The following ZNF704 variants were observed in gnomAD, a reference collection of about 807,000 sequenced individuals.
ZNF704 encodes the protein glucocorticoid induced gene 1.
In ZNF704, 10 loss-of-function variants were observed where a neutral mutation model predicts 44.7. The ratio of observed to expected loss-of-function variants is 0.22; its 90% CI spans 0.14 to 0.38. The LOEUF (loss-of-function observed/expected upper bound fraction) is 0.38. Among genes scored for constraint, ZNF704 ranks in the 10% least tolerant of loss-of-function variants. The probability of loss-of-function intolerance (pLI) is 1.00; values close to 1 mark genes in which losing one functional copy is unlikely to be tolerated. For missense variants in ZNF704, 390 were observed against 545.5 expected (o/e 0.71, Z 2.84); for synonymous variants, 211 against 207.6 (o/e 1.02, Z -0.14).
intron 2 of ZNF704, among the ~76,000 whole-genome samples, chr8:80,742,309 G>C (rs1253637004): frequency 1.3e-5 from 2 of 152,182 alleles, no homozygotes; most frequent in Non-Finnish European, 2.9e-5. Flanking sequence ...ATCGAATGGG[G>C]AACCTCACGA....
chr8:80,869,898 G>C (rs1449630597), intron 1 of ZNF704, among the ~76,000 whole-genome samples: 1 of 152,186 alleles, frequency 6.6e-6, no homozygotes, highest in Non-Finnish European at 1.5e-5. Flanking sequence ...AAAAACAGCA[G>C]TAAGTAGGGA....
chr8:80,809,503 G>C (rs993678737), intron 2 of ZNF704, among the ~76,000 whole-genome samples: 1 of 152,190 alleles, frequency 6.6e-6, no homozygotes, highest in South Asian at 2.1e-4. Flanking sequence ...CCTTGAAGAA[G>C]TGAGTGTTTG....
At chr8:80,691,533 C>T (rs1049106935) in intron 3 of ZNF704, among the ~76,000 whole-genome samples, 16 of 152,190 alleles carry the variant, frequency 1.1e-4, no homozygotes, top group Admixed American at 2.6e-4. Context: ...GGGTCTTCCT[C>T]GGCTCTTTTC....
chr8:80,816,524 G>A (rs781605874), intron 2 of ZNF704, among the ~76,000 whole-genome samples: 4 of 152,148 alleles, frequency 2.6e-5, no homozygotes, highest in Non-Finnish European at 5.9e-5. Context: ...AACTCTTGAA[G>A]CCTATTTTCC....
At chr8:80,716,910 A>T (rs1819080594) in intron 2 of ZNF704, among the ~76,000 whole-genome samples, 1 of 152,236 alleles carries the variant, frequency 6.6e-6, no homozygotes, top group Admixed American at 6.5e-5. Flanking sequence ...AAGATTTGTT[A>T]CTTGCTGCTA....
intron 1 of ZNF704, among the ~76,000 whole-genome samples, chr8:80,850,070 T>G (rs35786019): frequency 2.0e-4 from 30 of 152,336 alleles, no homozygotes; most frequent in South Asian, 1.2e-3. Context: ...TTTATTATAA[T>G]GTTGCTGGGT....
rs767174909 is a variant in ZNF704 at position 80,641,349 on chromosome 8, C to T, written c.*17G>A. The T allele has an allele frequency of 6.3e-7, 1 of 1,588,308 alleles. No homozygotes were observed. The highest frequency in any genetic ancestry group is 1.7e-5 in the Admixed American group (1 of 58,622). ...AGGAGCGGCTCAGGGCCCTGAGCCCCTCTGCCTGGGGGTCTCTCAGTCGAG... is the reference window on the plus strand; with the variant it reads ...AGGAGCGGCTCAGGGCCCTGAGCCCTTCTGCCTGGGGGTCTCTCAGTCGAG... On this transcript the variant is annotated 3_prime_UTR_variant, in exon 9 of 9. Coordinates refer to ENST00000327835, the MANE Select transcript of ZNF704 (RefSeq NM_001033723.3).
chr8:80,631,146 G>C lies in ZNF704; in HGVS notation c.*10220C>G, dbSNP rs966067287. 2 of 152,078 alleles carry C rather than the reference G, an allele frequency of 1.3e-5. No homozygotes were observed. Among genetic ancestry groups the C allele is most frequent in the Admixed American group, 6.5e-5 (1 of 15,282 alleles). The allele number at this position is 152,078 out of a possible 1,614,324, so 9.4% of individuals were successfully genotyped here. ...TCCAATAAGCAGAGTATGGAAAAAA[G>C]GTTTAAAAAGTAAAACAAGGGTTTG... On this transcript the variant is annotated 3_prime_UTR_variant, in exon 9 of 9. Transcript: ENST00000327835.
At chr8:80,860,368 C>T (rs1265046763) in intron 1 of ZNF704, among the ~76,000 whole-genome samples, 1 of 152,140 alleles carries the variant, frequency 6.6e-6, no homozygotes, top group Non-Finnish European at 1.5e-5. Context: ...ACTGTGAGTC[C>T]AGTCTTTCCA....
At chr8:80,855,814 A>T (rs759377556) in intron 1 of ZNF704, among the ~76,000 whole-genome samples, 6 of 152,246 alleles carry the variant, frequency 3.9e-5, no homozygotes, top group Non-Finnish European at 8.8e-5. Flanking sequence ...ATAGCAGAGA[A>T]GTTCAACCTC....
chr8:80,819,978 C>T (rs1414724872), intron 2 of ZNF704, among the ~76,000 whole-genome samples: 1 of 152,188 alleles, frequency 6.6e-6, no homozygotes, highest in African/African-American at 2.4e-5. Context: ...TCCAAAGGTA[C>T]TGTTTTCCTG....
intron 3 of ZNF704, among the ~76,000 whole-genome samples, chr8:80,688,151 T>C (rs1818572823): frequency 6.6e-6 from 1 of 151,758 alleles, no homozygotes; most frequent in South Asian, 2.1e-4. Flanking sequence ...GAGGCTGCAG[T>C]GAGCTATGAC....
At chr8:80,827,452 C>T (rs1313400100) in intron 1 of ZNF704, among the ~76,000 whole-genome samples, 1 of 152,156 alleles carries the variant, frequency 6.6e-6, no homozygotes, top group Non-Finnish European at 1.5e-5. Flanking sequence ...ATATTCCATG[C>T]TCATGGATAG....
intron 1 of ZNF704, among the ~76,000 whole-genome samples, chr8:80,855,430 G>C (rs1451926154): frequency 6.6e-6 from 1 of 151,860 alleles, no homozygotes; most frequent in African/African-American, 2.4e-5. Context: ...CATATACACA[G>C]TGGAATACCA....
chr8:80,676,988 G>A (rs1027524973), intron 4 of ZNF704, among the ~76,000 whole-genome samples: 5 of 152,306 alleles, frequency 3.3e-5, no homozygotes, highest in African/African-American at 1.2e-4. Flanking sequence ...GGGGACCCCC[G>A]CCTTAGAGAG....
At chr8:80,882,155 G>C in the ZNF704 span, among the ~76,000 whole-genome samples, 2 of 152,136 alleles carry the variant, frequency 1.3e-5, no homozygotes, top group Non-Finnish European at 2.9e-5. Flanking sequence ...AGAATCAGTT[G>C]GTCAAATAGC....
chr8:80,690,468 G>T (rs1329286626), intron 3 of ZNF704, among the ~76,000 whole-genome samples: 2 of 152,076 alleles, frequency 1.3e-5, no homozygotes, highest in African/African-American at 4.8e-5. Context: ...GTCTTGCTCT[G>T]TCACTCAGGC....
Position 80,664,700 on chromosome 8 carries a change from G to A in ZNF704, c.927+115C>T, listed in dbSNP as rs1437034240. The A allele has an allele frequency of 1.6e-5, 21 of 1,278,258 alleles. No individual in the cohort carries two copies. The East Asian group carries it at 1.9e-4, about 11-fold the overall frequency. The allele number at this position is 1,278,258 out of a possible 1,614,324, so 79.2% of individuals were successfully genotyped here. A position where few individuals can be genotyped will look rare whatever the true frequency, so the allele number is the denominator to read the frequency against. On this transcript the variant is annotated intron_variant, in intron 6 of 8. Coordinates refer to ENST00000327835, the MANE Select transcript of ZNF704 (RefSeq NM_001033723.3). The stretch of plus-strand genomic sequence containing the variant: ...TAAAGGGAGAAAAATCAAAGCTACC[G>A]GGCTGCCGTGTGTGATGCTGTTTTT...
chr8:80,722,749 A>G (rs1440388779), intron 2 of ZNF704, among the ~76,000 whole-genome samples: 1 of 152,138 alleles, frequency 6.6e-6, no homozygotes, highest in Admixed American at 6.5e-5. Context: ...TCTCTCTCCT[A>G]CAAGTGATCG....
Sources: gnomAD v4.1 joint callset for allele counts (sites outside exome capture counted in the v4.1 genomes callset) on GRCh38, gnomAD v4.1.1 for gene constraint, MANE v1.5 for transcripts, NCBI Gene and HGNC (gene_info 2026-07-23, HGNC 2026-07-21) for gene names.